The following TMEM38B variants were observed in gnomAD, a reference collection of about 807,000 sequenced individuals.
TMEM38B encodes the protein transmembrane protein 38B.
TMEM38B carries 24 observed loss-of-function variants against 28.7 expected under a neutral mutation model. The ratio of observed to expected loss-of-function variants is 0.84; its 90% CI spans 0.61 to 1.18. The LOEUF (loss-of-function observed/expected upper bound fraction) is 1.18. TMEM38B is among the 50% of genes most tolerant of loss of function. The probability of loss-of-function intolerance (pLI) is 0.00; values close to 1 mark genes in which losing one functional copy is unlikely to be tolerated. For synonymous variants in TMEM38B, 131 were observed against 127.7 expected, an observed-to-expected ratio of 1.03 and a Z score of -0.17; for missense variants, 380 against 350.9, an observed-to-expected ratio of 1.08 and a Z score of -0.66.
chr9:105,745,493 T>C (rs113415623), intron 4 of TMEM38B, among the ~76,000 whole-genome samples: 198 of 152,354 alleles, frequency 1.3e-3, no homozygotes, highest in African/African-American at 4.6e-3. Context: ...ATTAGCCCTT[T>C]GACAGATAAG....
intron 5 of TMEM38B, among the ~76,000 whole-genome samples, chr9:105,752,928 C>T (rs1018018676): frequency 1.8e-4 from 27 of 152,142 alleles, no homozygotes; most frequent in Admixed American, 3.3e-4. Context: ...CATGATAAAA[C>T]GATAAAGGAG....
At chr9:105,770,066 C>T (rs974719533) in intron 5 of TMEM38B, among the ~76,000 whole-genome samples, 1 of 151,824 alleles carries the variant, frequency 6.6e-6, no homozygotes, top group Non-Finnish European at 1.5e-5. Flanking sequence ...TCCAAATAAT[C>T]ATATATACAT....
rs938535873 is a variant in TMEM38B at position 105,773,720 on chromosome 9, A to C, written c.661-145A>C. ...CATTAAGTAGAATCTCATGGAGAAC[A>C]GAGATTTTACCAGAATCTAGCTTAG... On this transcript the variant is annotated intron_variant, in intron 5 of 5. Transcript: ENST00000374692. The C allele has an allele frequency of 1.2e-5, 8 of 689,148 alleles. No homozygotes were observed. In the African/African-American group the frequency reaches 1.4e-4, roughly 12 times the overall value. 42.7% of individuals were successfully genotyped at this position (689,148 alleles called of 1,614,324 possible).
intron 5 of TMEM38B, among the ~76,000 whole-genome samples, chr9:105,757,027 C>G (rs571717338): frequency 6.6e-6 from 1 of 152,126 alleles, no homozygotes; most frequent in East Asian, 1.9e-4. Flanking sequence ...GTATACTGTA[C>G]CCAATGTGTA....
Position 105,749,190 on chromosome 9 carries a change from C to G in TMEM38B, c.660+1000C>G. ...AATGTTGAGCCGTGTATATTTTTTT[C>G]TAACAGCTTTATTGAGATATATTTT... is the stretch of plus-strand genomic sequence containing the variant. On this transcript the variant is annotated intron_variant, in intron 5 of 5. Coordinates refer to ENST00000374692, the MANE Select transcript of TMEM38B (RefSeq NM_018112.3). 5.7e-6 allele frequency: 6 copies of G among 1,058,530 alleles called. No individual in the cohort carries two copies. In the South Asian group the frequency reaches 8.6e-5, roughly 15 times the overall value. 65.6% of individuals were successfully genotyped at this position (1,058,530 alleles called of 1,614,324 possible). A position where few individuals can be genotyped will look rare whatever the true frequency, so the allele number is the denominator to read the frequency against.
intron 4 of TMEM38B, among the ~76,000 whole-genome samples, chr9:105,743,892 AT>A (rs1837294220): frequency 6.6e-6 from 1 of 152,202 alleles, no homozygotes; most frequent in Non-Finnish European, 1.5e-5. Context: ...TTATGAAAAA[AT>A]TGTTATATAC....
intron 4 of TMEM38B, among the ~76,000 whole-genome samples, chr9:105,727,254 A>T (rs1293597636): frequency 3.3e-5 from 5 of 151,990 alleles, no homozygotes; most frequent in Non-Finnish European, 7.4e-5. Context: ...TTGCTGTTGT[A>T]TTCTCTGTCC....
At chr9:105,716,654 T>G (rs879333196) in intron 2 of TMEM38B, among the ~76,000 whole-genome samples, 27,365 of 151,934 alleles carry the variant, frequency 0.18, 3,525 homozygotes, top group East Asian at 0.46. Flanking sequence ...TATGTGCAGA[T>G]TTTCTTCTGC....
chr9:105,753,845 G>T (rs1469624437), intron 5 of TMEM38B, among the ~76,000 whole-genome samples: 1 of 152,094 alleles, frequency 6.6e-6, no homozygotes, highest in African/African-American at 2.4e-5. Flanking sequence ...TGGGCTAGAG[G>T]CCCCAATTTA....
rs1564400823 is a variant in TMEM38B at position 105,733,409 on chromosome 9, G to A, written c.542+10788G>A. Among the ~76,000 whole-genome samples, 3 of 136,002 alleles carry A rather than the reference G, an allele frequency of 2.2e-5. No individual in the cohort carries two copies. In the East Asian group the frequency reaches 7.3e-4, roughly 33 times the overall value. The allele number at this position is 136,002 out of a possible 152,430, so 89.2% of individuals were successfully genotyped here. A position where few individuals can be genotyped will look rare whatever the true frequency, so the allele number is the denominator to read the frequency against. ...TTTTCATGAGAGATATTGGCTTGCAGTTTTCTTTTTTCTTTTTTTTTTTTT... is the reference window on the plus strand; with the variant it reads ...TTTTCATGAGAGATATTGGCTTGCAATTTTCTTTTTTCTTTTTTTTTTTTT... On this transcript the variant is annotated intron_variant, in intron 4 of 5. Transcript: ENST00000374692.
intron 1 of TMEM38B, among the ~76,000 whole-genome samples, chr9:105,698,036 T>C (rs1835345149): frequency 6.6e-6 from 1 of 151,828 alleles, no homozygotes; most frequent in East Asian, 1.9e-4. Context: ...CTGGTTCTGC[T>C]CTAGACCTTT....
In TMEM38B at chr9:105,709,981, A is replaced by G. The variant is rs912707357; in HGVS notation, c.269+4228A>G. On this transcript the variant is annotated intron_variant, in intron 2 of 5. Transcript: ENST00000374692. ...ATAATTTATTATGGACCTATTACCC[A>G]TGAATCAATATACGCTTATTCATAT... Among the ~76,000 whole-genome samples, 27 of 152,334 alleles carry G rather than the reference A, an allele frequency of 1.8e-4. No homozygotes were observed. The East Asian group carries it at 4.4e-3, about 25-fold the overall frequency.
intron 5 of TMEM38B, among the ~76,000 whole-genome samples, chr9:105,767,305 A>G (rs1826408964): frequency 6.6e-6 from 1 of 152,128 alleles, no homozygotes; most frequent in Admixed American, 6.6e-5. Flanking sequence ...ATTGATTTAT[A>G]TGTCTATTTC....
At chr9:105,763,347 G>C (rs1157862696) in intron 5 of TMEM38B, among the ~76,000 whole-genome samples, 10 of 152,152 alleles carry the variant, frequency 6.6e-5, no homozygotes, top group Admixed American at 5.2e-4. Context: ...CCTATGTCCT[G>C]AATGGTAATG....
chr9:105,773,332 T>C (rs1031623285), intron 5 of TMEM38B, among the ~76,000 whole-genome samples: 1 of 152,138 alleles, frequency 6.6e-6, no homozygotes, highest in African/African-American at 2.4e-5. Flanking sequence ...TCACTAAAAG[T>C]CTGTGACTTT....
chr9:105,749,206 G>A (rs1837551941), intron 5 of TMEM38B: 3 of 876,618 alleles, frequency 3.4e-6, no homozygotes, highest in Non-Finnish European at 4.7e-6. Flanking sequence ...GCTTTATTGA[G>A]ATATATTTTC....
Position 105,776,290 on chromosome 9 carries a change from T to A in TMEM38B, c.*2210T>A, listed in dbSNP as rs1160021573. ...AAACATGGCCAAATGAATATCAAAC[T>A]GGTTTATCAGATTAGTCACTCTTCC... On this transcript the variant is annotated 3_prime_UTR_variant, in exon 6 of 6. Transcript: ENST00000374692. 1 of 152,024 alleles carries A rather than the reference T, an allele frequency of 6.6e-6. No individual in the cohort carries two copies. Among genetic ancestry groups the A allele is most frequent in the Non-Finnish European group, 1.5e-5 (1 of 68,008 alleles). The allele number at this position is 152,024 out of a possible 1,614,324, so 9.4% of individuals were successfully genotyped here. A position where few individuals can be genotyped will look rare whatever the true frequency, so the allele number is the denominator to read the frequency against.
At chr9:105,738,056 C>T (rs1409982536) in intron 4 of TMEM38B, among the ~76,000 whole-genome samples, 1 of 152,110 alleles carries the variant, frequency 6.6e-6, no homozygotes, top group African/African-American at 2.4e-5. Context: ...TATTTGCCTA[C>T]AGAGCAGGAT....
chr9:105,763,137 CATTGTAG>C (rs1220506076), intron 5 of TMEM38B, among the ~76,000 whole-genome samples: 19 of 150,278 alleles, frequency 1.3e-4, no homozygotes, highest in African/African-American at 4.4e-4. Context: ...TGTTTGAGTT[CATTGTAG>C]ATTCTGGATA....
Sources: allele counts gnomAD v4.1 joint callset (sites outside exome capture counted in the v4.1 genomes callset), GRCh38; gene constraint gnomAD v4.1.1; transcripts MANE v1.5; gene names NCBI Gene and HGNC (gene_info 2026-07-23, HGNC 2026-07-21).